Variants in CWC15 observed in about 807,000 individuals in gnomAD.
The protein encoded by CWC15 is CWC15 spliceosome associated protein, also known as spliceosome-associated protein CWC15 homolog.
Under a neutral mutation model 28.4 loss-of-function variants are expected in CWC15, and 12 were observed. The observed-to-expected ratio is 0.42, with a 90% CI of 0.27 to 0.69. CWC15 has a LOEUF of 0.69. CWC15 is among the 30% of genes least tolerant of loss of function. CWC15 has a pLI of 0.23. For synonymous variants in CWC15, 92 were observed against 88.4 expected (o/e 1.04, Z -0.23); for missense variants, 192 against 271.5 (o/e 0.71, Z 2.06).
rs145426560 is a variant in CWC15, at chr11:94,969,743, C to G, written c.441+246G>C. ...ACTAAATGTTGAACAAATGAATAAA[C>G]AAGTAAATGACTAGCAAGCCTGTGA... is the stretch of plus-strand genomic sequence containing the variant. On this transcript the variant is annotated intron_variant, in intron 5 of 6. Transcript: ENST00000279839. Among the ~76,000 whole-genome samples, 1,081 of 152,196 alleles carry G rather than the reference C, an allele frequency of 7.1e-3. 8 individuals carry two copies. Among genetic ancestry groups the G allele is most frequent in the Non-Finnish European group, 8.6e-3 (583 of 67,978 alleles).
chr11:94,962,957 GA>G lies in CWC15; in HGVS notation c.*427del, dbSNP rs1857588586. 6.6e-6 allele frequency: 1 copy of G among 152,546 alleles called. No individual in the cohort carries two copies. Among genetic ancestry groups the G allele is most frequent in the South Asian group, 2.1e-4 (1 of 4,840 alleles). The allele number at this position is 152,546 out of a possible 1,614,324, so 9.4% of individuals were successfully genotyped here. On this transcript the variant is annotated 3_prime_UTR_variant, in exon 7 of 7. Coordinates refer to ENST00000279839, the MANE Select transcript of CWC15 (RefSeq NM_016403.4). Reference sequence around the variant, plus strand: ...ATTACACTCTTTTAAAAAATGCAGAGAAAATATGAATTAACTCATCTTAAAT... The same window carrying G: ...ATTACACTCTTTTAAAAAATGCAGAGAAATATGAATTAACTCATCTTAAAT...
At chr11:94,963,923 T>C (rs970734137) in intron 6 of CWC15, among the ~76,000 whole-genome samples, 3 of 152,216 alleles carry the variant, frequency 2.0e-5, no homozygotes, top group African/African-American at 7.2e-5. Flanking sequence ...GTTTTGGGGA[T>C]TGTAGATATT....
chr11:94,971,525 A>AACACAC (rs3831469), intron 2 of CWC15, 38 bp from the exon 3 acceptor site: 11,706 of 780,632 alleles, frequency 0.015, 66 homozygotes, highest in Non-Finnish European at 0.018. Context: ...ATGTTACTTA[A>AACACAC]ACACACACAC....
At chr11:94,967,504 T>C (rs1452971479) in intron 5 of CWC15, among the ~76,000 whole-genome samples, 6 of 152,244 alleles carry the variant, frequency 3.9e-5, no homozygotes, top group Non-Finnish European at 7.3e-5. Flanking sequence ...TAACATGTTA[T>C]CTTAAGCCAA....
At chr11:94,972,523 G>A (rs1555096382) in intron 1 of CWC15, among the ~76,000 whole-genome samples, 1 of 152,076 alleles carries the variant, frequency 6.6e-6, no homozygotes, top group East Asian at 1.9e-4. Context: ...TAGATTATAA[G>A]AATTATGACA....
chr11:94,972,403 A>C (rs1157969175), intron 1 of CWC15, among the ~76,000 whole-genome samples: 1 of 152,162 alleles, frequency 6.6e-6, no homozygotes, highest in Non-Finnish European at 1.5e-5. Context: ...TAGTACAAAA[A>C]ATTCTGTCAT....
rs371449467 is a variant in CWC15 at position 94,969,945 on chromosome 11, G to C, written c.441+44C>G. On this transcript the variant is annotated intron_variant, in intron 5 of 6. Transcript: ENST00000279839. ...TATTCAAAAAAATTTCTACCTTAGT[G>C]TATGTGAGAAGATAGATGTAAATAT... 4.2e-5 allele frequency: 54 copies of C among 1,294,802 alleles called. 2 individuals are homozygous for C. The Admixed American group carries it at 1.4e-3, about 33-fold the overall frequency. 80.2% of individuals were successfully genotyped at this position (1,294,802 alleles called of 1,614,324 possible). A position where few individuals can be genotyped will look rare whatever the true frequency, so the allele number is the denominator to read the frequency against.
rs1857645164 is a variant in CWC15 at position 94,966,474 on chromosome 11, A to G, written c.442-61T>C. 2.9e-6 allele frequency: 3 copies of G among 1,033,066 alleles called. No individual in the cohort carries two copies. The South Asian group carries it at 4.9e-5, about 17-fold the overall frequency. The allele number at this position is 1,033,066 out of a possible 1,614,324, so 64.0% of individuals were successfully genotyped here. A position where few individuals can be genotyped will look rare whatever the true frequency, so the allele number is the denominator to read the frequency against. ...TTTAACTCTGGGTTCAATTTTTTTT[A>G]TATTAGCTCACTGAAAAAAAAAACA... On this transcript the variant is annotated intron_variant, in intron 5 of 6. Coordinates refer to ENST00000279839, the MANE Select transcript of CWC15 (RefSeq NM_016403.4).
Position 94,963,265 on chromosome 11 carries a change from G to C in CWC15, c.*120C>G, listed in dbSNP as rs956260379. The C allele has an allele frequency of 2.7e-6, 2 of 738,954 alleles. No homozygotes were observed. The highest frequency in any genetic ancestry group is 1.8e-5 in the African/African-American group (1 of 54,692). The allele number at this position is 738,954 out of a possible 1,614,324, so 45.8% of individuals were successfully genotyped here. A position where few individuals can be genotyped will look rare whatever the true frequency, so the allele number is the denominator to read the frequency against. Reference sequence around the variant, plus strand: ...GGTATCACTAAAGAAAAAGATAGGAGTTTAAAACTGGGGAAGCCCACACAC... The same window carrying C: ...GGTATCACTAAAGAAAAAGATAGGACTTTAAAACTGGGGAAGCCCACACAC... On this transcript the variant is annotated 3_prime_UTR_variant, in exon 7 of 7. Transcript: ENST00000279839.
intron 6 of CWC15, 88 bp from the exon 7 acceptor site, chr11:94,963,602 C>T: frequency 8.9e-7 from 1 of 1,120,654 alleles, no homozygotes. Context: ...TAGTCAGTTA[C>T]ACAGAAAGAT....
At position 94,966,330 on chromosome 11, in the gene CWC15, T is replaced by C. The variant is rs1857642436; in HGVS notation, c.525A>G (p.Pro175=). 4.5e-6 allele frequency: 7 copies of C among 1,558,858 alleles called. No homozygotes were observed. Among genetic ancestry groups the C allele is most frequent in the Non-Finnish European group, 6.1e-6 (7 of 1,149,996 alleles). Residue 175 remains proline (P), a synonymous_variant, in exon 6 of 7, where the codon CCA becomes CCG. Transcript: ENST00000279839. ...SGNPLLNLTG[P]SQPQANFKVK... ...CTTTGAAGTTGGCCTGAGGCTGGGATGGGCCAGTGAGATTAAGGAGAGGGT... is the reference window on the plus strand; with the variant it reads ...CTTTGAAGTTGGCCTGAGGCTGGGACGGGCCAGTGAGATTAAGGAGAGGGT...
Position 94,970,965 on chromosome 11 carries a change from A to C in CWC15, c.333+12T>G. 1 of 1,595,292 alleles carries C rather than the reference A, an allele frequency of 6.3e-7. No homozygotes were observed. The highest frequency in any genetic ancestry group is 1.1e-5 in the South Asian group (1 of 90,680). On this transcript the variant is annotated intron_variant, in intron 4 of 6. Coordinates refer to ENST00000279839, the MANE Select transcript of CWC15 (RefSeq NM_016403.4). ...TCAATTATTAGAGATGAAAGGAGGA[A>C]ACAAAACATACATCTGTTAGAGGGT...
At position 94,963,061 on chromosome 11, in the gene CWC15, T is replaced by C. The variant is rs1857590198; in HGVS notation, c.*324A>G. On this transcript the variant is annotated 3_prime_UTR_variant, in exon 7 of 7. Transcript: ENST00000279839. Reference sequence around the variant, plus strand: ...TGGTAATTTTTCTTTTCAAAAGATATTATGGAATGTATTACTAGCAGCATA... The same window carrying C: ...TGGTAATTTTTCTTTTCAAAAGATACTATGGAATGTATTACTAGCAGCATA... 1 of 177,060 alleles carries C rather than the reference T, an allele frequency of 5.6e-6. No individual in the cohort carries two copies. The highest frequency in any genetic ancestry group is 1.2e-5 in the Non-Finnish European group (1 of 85,014). The allele number at this position is 177,060 out of a possible 1,614,324, so 11.0% of individuals were successfully genotyped here.
intron 6 of CWC15, among the ~76,000 whole-genome samples, chr11:94,965,659 G>A (rs190343314): frequency 5.8e-4 from 88 of 152,306 alleles, no homozygotes; most frequent in Middle Eastern, 3.4e-3. Context: ...CAAAAGCTGC[G>A]TACATGACTA....
Position 94,970,916 on chromosome 11 carries a change from A to C in CWC15, c.333+61T>G, listed in dbSNP as rs1355168347. ...CACTTCTTAAAGCAAAGACATAACAAGTATTTTAGAATAGCATGGTAAATC... is the reference window on the plus strand; with the variant it reads ...CACTTCTTAAAGCAAAGACATAACACGTATTTTAGAATAGCATGGTAAATC... On this transcript the variant is annotated intron_variant, in intron 4 of 6. Coordinates refer to ENST00000279839, the MANE Select transcript of CWC15 (RefSeq NM_016403.4). The C allele has an allele frequency of 3.8e-5, 50 of 1,315,618 alleles. 1 individual carries two copies. The Admixed American group carries it at 8.4e-4, about 22-fold the overall frequency. 81.5% of individuals were successfully genotyped at this position (1,315,618 alleles called of 1,614,324 possible).
intron 1 of CWC15, 58 bp from the exon 2 acceptor site, chr11:94,972,251 G>A (rs1328219157): frequency 6.7e-7 from 1 of 1,491,278 alleles, no homozygotes; most frequent in Admixed American, 1.9e-5. Context: ...ATTTTATAGA[G>A]TATTAATCAA....
At chr11:94,963,556 A>G (rs1380314650) in intron 6 of CWC15, 42 bp from the exon 7 acceptor site, 1 of 1,529,874 alleles carries the variant, frequency 6.5e-7, no homozygotes. Flanking sequence ...AAATGTTTGT[A>G]TCAGGAGACA....
intron 6 of CWC15, among the ~76,000 whole-genome samples, 174 bp downstream of exon 6, chr11:94,966,121 G>T (rs1857636229): frequency 6.6e-6 from 1 of 151,980 alleles, no homozygotes; most frequent in South Asian, 2.1e-4. Context: ...TAATTGAACA[G>T]AGAAGAGTAT....
rs782291535 is a variant in CWC15, at chr11:94,963,344, CT to C, written c.*40del. ...ACTCATAAAAAAAGTCAGAATGATC[CT>C]TTACGTTTTACAGTCTTTAATTAAG... On this transcript the variant is annotated 3_prime_UTR_variant, in exon 7 of 7. Coordinates refer to ENST00000279839, the MANE Select transcript of CWC15 (RefSeq NM_016403.4). 3.4e-6 allele frequency: 5 copies of C among 1,465,796 alleles called. No homozygotes were observed. The East Asian group carries it at 9.8e-5, about 29-fold the overall frequency. 90.8% of individuals were successfully genotyped at this position (1,465,796 alleles called of 1,614,324 possible).
Sources: gnomAD v4.1 joint callset for allele counts (sites outside exome capture counted in the v4.1 genomes callset) on GRCh38, gnomAD v4.1.1 for gene constraint, MANE v1.5 for transcripts, NCBI Gene and HGNC (gene_info 2026-07-23, HGNC 2026-07-21) for gene names.